ADGRL3: variants seen among roughly 807,000 people sequenced by gnomAD.
ADGRL3 encodes the protein adhesion G protein-coupled receptor L3.
A neutral mutation model predicts 153.5 loss-of-function variants in ADGRL3; 62 were observed. The observed-to-expected ratio is 0.40, with a 90% CI of 0.33 to 0.50. The LOEUF is 0.50. ADGRL3 is among the 20% of genes least tolerant of loss of function. The pLI is 0.47. For synonymous variants in ADGRL3, 710 were observed against 672.5 expected, an observed-to-expected ratio of 1.06 and a Z score of -0.86; for missense variants, 1,641 against 1,859.4, an observed-to-expected ratio of 0.88 and a Z score of 2.16.
At chr4:61,736,181 C>A (rs964508369) in intron 8 of ADGRL3, among the ~76,000 whole-genome samples, 3 of 151,970 alleles carry the variant, frequency 2.0e-5, no homozygotes, top group African/African-American at 7.2e-5. Context: ...ACATATCCCC[C>A]TCCATATGTA....
intron 17 of ADGRL3, 50 bp from the exon 18 acceptor site, chr4:61,979,513 T>C: frequency 5.3e-6 from 8 of 1,495,626 alleles, no homozygotes; most frequent in Non-Finnish European, 7.5e-6. Flanking sequence ...TAAAACTTTG[T>C]AATTGGTTAT....
At chr4:61,467,407 T>C (rs1252147883) in intron 2 of ADGRL3, among the ~76,000 whole-genome samples, 1 of 151,992 alleles carries the variant, frequency 6.6e-6, no homozygotes, top group East Asian at 1.9e-4. Flanking sequence ...TCTGATACTC[T>C]AGAAATATAT....
intron 5 of ADGRL3, among the ~76,000 whole-genome samples, chr4:61,635,712 A>C (rs1018862096): frequency 6.6e-6 from 1 of 152,096 alleles, no homozygotes; most frequent in African/African-American, 2.4e-5. Flanking sequence ...GGGTTGCTTA[A>C]ATAAAAATTT....
At chr4:61,396,348 T>C (rs1364549556) in intron 2 of ADGRL3, among the ~76,000 whole-genome samples, 2 of 151,944 alleles carry the variant, frequency 1.3e-5, no homozygotes, top group African/African-American at 4.8e-5. Context: ...GATAAAGTTT[T>C]TAATTTTAAA....
At chr4:61,706,425 C>CAAAAAAAAAAAA (rs56955396) in intron 6 of ADGRL3, among the ~76,000 whole-genome samples, 1 of 130,048 alleles carries the variant, frequency 7.7e-6, no homozygotes, top group Non-Finnish European at 1.7e-5. Context: ...GACTCCCTCT[C>CAAAAAAAAAAAA]AAAAAAAAAA....
In ADGRL3 at chr4:61,432,584, T is replaced by C. The variant is rs1260259199; in HGVS notation, c.-174+49395T>C. Among the ~76,000 whole-genome samples the C allele has an allele frequency of 1.6e-3, 9 of 5,606 alleles. 3 individuals are homozygous for C. The highest frequency in any genetic ancestry group is 0.027 in the East Asian group (2 of 74). 3.7% of individuals were successfully genotyped at this position (5,606 alleles called of 152,430 possible). A position where few individuals can be genotyped will look rare whatever the true frequency, so the allele number is the denominator to read the frequency against. ...CTTTTCTTTCTCTTCCTTTCTTTCT[T>C]TCTTTCTTTCTTTCTTTCTTTCTTT... is the stretch of plus-strand genomic sequence containing the variant. On this transcript the variant is annotated intron_variant, in intron 2 of 26. Coordinates refer to ENST00000683033, the MANE Select transcript of ADGRL3 (RefSeq NM_001387552.1).
chr4:61,249,001 C>G (rs1758152634), intron 1 of ADGRL3, among the ~76,000 whole-genome samples: 1 of 152,136 alleles, frequency 6.6e-6, no homozygotes, highest in Non-Finnish European at 1.5e-5. Flanking sequence ...GTAAGCTTTC[C>G]TTTTCTTGCT....
chr4:61,803,693 A>T (rs1186399551), intron 8 of ADGRL3, among the ~76,000 whole-genome samples: 2 of 152,164 alleles, frequency 1.3e-5, no homozygotes, highest in East Asian at 3.9e-4. Flanking sequence ...ATATCTGTTA[A>T]AGAAGAAAAC....
Position 61,772,479 on chromosome 4 carries a change from TATTTA to T in ADGRL3, c.1399+38932_1399+38936del, listed in dbSNP as rs200107665. ...TTAACAATAGAAAAATATACACATT[TATTTA>T]ATTTAAGTTTTACACGACATGAGAG... On this transcript the variant is annotated intron_variant, in intron 8 of 26. Transcript: ENST00000683033. Among the ~76,000 whole-genome samples, 1,296 of 152,256 alleles carry T rather than the reference TATTTA, an allele frequency of 8.5e-3. 15 individuals are homozygous for T. The highest frequency in any genetic ancestry group is 0.03 in the African/African-American group (1,227 of 41,516).
chr4:61,310,244 G>T (rs975718412), intron 1 of ADGRL3, among the ~76,000 whole-genome samples: 1 of 151,548 alleles, frequency 6.6e-6, no homozygotes, highest in Non-Finnish European at 1.5e-5. Flanking sequence ...TATAAAATGG[G>T]CCAGGTTTCA....
chr4:61,242,780 G>A (rs1450332773), intron 1 of ADGRL3, among the ~76,000 whole-genome samples: 2 of 152,036 alleles, frequency 1.3e-5, no homozygotes, highest in African/African-American at 4.8e-5. Flanking sequence ...TAGAATATAT[G>A]TGATGATTTC....
intron 2 of ADGRL3, among the ~76,000 whole-genome samples, chr4:61,419,069 A>G (rs1481059748): frequency 6.6e-6 from 1 of 150,746 alleles, no homozygotes; most frequent in African/African-American, 2.5e-5. Context: ...GAATGTTGGT[A>G]TACTTTCTCA....
chr4:61,809,607 A>G (rs2097585985), intron 8 of ADGRL3, among the ~76,000 whole-genome samples: 1 of 152,082 alleles, frequency 6.6e-6, no homozygotes, highest in Non-Finnish European at 1.5e-5. Flanking sequence ...CGCACTCCAG[A>G]TACCCTTTAA....
chr4:62,034,251 T>C (rs2151545043), intron 23 of ADGRL3, among the ~76,000 whole-genome samples: 1 of 151,946 alleles, frequency 6.6e-6, no homozygotes, highest in South Asian at 2.1e-4. Context: ...TACTACATTT[T>C]CAATACATAA....
At position 62,077,315 on chromosome 4, in the gene ADGRL3, A is replaced by G. The variant is rs1015310698; in HGVS notation, c.*6407A>G. On this transcript the variant is annotated 3_prime_UTR_variant, in exon 27 of 27. Transcript: ENST00000683033. The stretch of plus-strand genomic sequence containing the variant: ...GTTACAAAAGATTTACAATTAGTCC[A>G]AAATCAGAGGATTTTAAATCTTAAA... The G allele has an allele frequency of 1.4e-4, 22 of 152,126 alleles. 2 individuals carry two copies. In the East Asian group the frequency reaches 1.5e-3, roughly 11 times the overall value. 9.4% of individuals were successfully genotyped at this position (152,126 alleles called of 1,614,324 possible).
chr4:61,448,593 C>A (rs1373235726), intron 2 of ADGRL3, among the ~76,000 whole-genome samples: 1 of 152,054 alleles, frequency 6.6e-6, no homozygotes, highest in Non-Finnish European at 1.5e-5. Context: ...CTCATTTGAT[C>A]ATTACTCCTT....
chr4:61,423,680 TA>T (rs2097239329), intron 2 of ADGRL3, among the ~76,000 whole-genome samples: 1 of 152,092 alleles, frequency 6.6e-6, no homozygotes, highest in Non-Finnish European at 1.5e-5. Context: ...GAGCTGGGAT[TA>T]GTAGGAGAGG....
At chr4:61,587,980 A>G (rs559053498) in intron 5 of ADGRL3, among the ~76,000 whole-genome samples, 1 of 152,122 alleles carries the variant, frequency 6.6e-6, no homozygotes, top group African/African-American at 2.4e-5. Context: ...TGAGCAATCT[A>G]AATATGGCCA....
chr4:61,579,125 A>G (rs894438606), intron 4 of ADGRL3, among the ~76,000 whole-genome samples: 3 of 151,966 alleles, frequency 2.0e-5, no homozygotes, highest in Non-Finnish European at 4.4e-5. Flanking sequence ...ATATAGGACC[A>G]CTCCTAGACC....
Sources: allele counts gnomAD v4.1 joint callset (sites outside exome capture counted in the v4.1 genomes callset), GRCh38; gene constraint gnomAD v4.1.1; transcripts MANE v1.5; gene names NCBI Gene and HGNC (gene_info 2026-07-23, HGNC 2026-07-21).